The following SYNE1 variants were observed in gnomAD, a reference collection of about 807,000 sequenced individuals.
SYNE1 encodes spectrin repeat containing nuclear envelope protein 1.
A neutral mutation model predicts 1,111.0 loss-of-function variants in SYNE1; 616 were observed. That is an observed-to-expected ratio of 0.55 (90% CI 0.52 to 0.59). SYNE1 has a LOEUF of 0.59. Among genes scored for constraint, SYNE1 ranks in the 20% least tolerant of loss-of-function variants. The pLI, the probability that SYNE1 is intolerant of heterozygous loss-of-function variation, is 0.00. For synonymous variants in SYNE1, 3,855 were observed against 3,825.8 expected, an observed-to-expected ratio of 1.01 and a Z score of -0.28; for missense variants, 10,006 against 10,417.0, an observed-to-expected ratio of 0.96 and a Z score of 1.72.
At chr6:152,235,145 C>A (rs1028295303) in intron 110 of SYNE1, among the ~76,000 whole-genome samples, 1 of 152,168 alleles carries the variant, frequency 6.6e-6, no homozygotes, top group African/African-American at 2.4e-5. Flanking sequence ...CAACCCTCCA[C>A]CCCGCTGAAT....
At chr6:152,619,406 T>C (rs1312884173) in intron 3 of SYNE1, among the ~76,000 whole-genome samples, 1 of 152,130 alleles carries the variant, frequency 6.6e-6, no homozygotes, top group Non-Finnish European at 1.5e-5. Flanking sequence ...CCAATTCAAT[T>C]GCCTTACTTT....
chr6:152,499,912 T>C (rs1300368872), intron 10 of SYNE1, among the ~76,000 whole-genome samples: 1 of 152,210 alleles, frequency 6.6e-6, no homozygotes, highest in East Asian at 1.9e-4. Context: ...TAATAAAGCT[T>C]CTTTAGTAAA....
intron 92 of SYNE1, among the ~76,000 whole-genome samples, chr6:152,301,637 TTAAG>T (rs748179400): frequency 1.9e-4 from 29 of 152,320 alleles, no homozygotes; most frequent in Non-Finnish European, 2.6e-4. Flanking sequence ...CTCTGACATG[TTAAG>T]TAATTCAGCT....
intron 59 of SYNE1, among the ~76,000 whole-genome samples, chr6:152,369,982 CAAAAAAAAAA>C (rs778013525): frequency 4.0e-5 from 2 of 49,986 alleles, no homozygotes; most frequent in Admixed American, 3.6e-4. Flanking sequence ...GACTCTGTCT[CAAAAAAAAAA>C]AAAAAAAAAA....
chr6:152,277,961 C>T, intron 98 of SYNE1, 128 bp downstream of exon 98: 1 of 977,304 alleles, frequency 1.0e-6, no homozygotes, highest in Admixed American at 1.7e-5. Context: ...GCTAAAATGT[C>T]AGCGTAAAGC....
At chr6:152,288,897 C>G (rs577034806) in intron 95 of SYNE1, among the ~76,000 whole-genome samples, 2 of 152,280 alleles carry the variant, frequency 1.3e-5, no homozygotes, top group South Asian at 2.1e-4. Flanking sequence ...TGAGTTTACT[C>G]TTAAAGATGA....
At chr6:152,437,342 T>C (rs1387828381) in intron 32 of SYNE1, among the ~76,000 whole-genome samples, 2 of 152,190 alleles carry the variant, frequency 1.3e-5, no homozygotes, top group East Asian at 3.9e-4. Flanking sequence ...TTGTTTGACT[T>C]TGGTGAATTA....
At chr6:152,494,339 A>G (rs2098987868) in intron 11 of SYNE1, among the ~76,000 whole-genome samples, 1 of 152,032 alleles carries the variant, frequency 6.6e-6, no homozygotes, top group African/African-American at 2.4e-5. Flanking sequence ...GGCCTCCCAC[A>G]TTATTCCTGC....
At chr6:152,421,531 A>G (rs1305026342) in intron 39 of SYNE1, among the ~76,000 whole-genome samples, 3 of 152,056 alleles carry the variant, frequency 2.0e-5, no homozygotes, top group African/African-American at 7.2e-5. Context: ...AAACTACAGT[A>G]TGTATGTTAC....
chr6:152,620,420 A>G (rs1029994358), intron 3 of SYNE1, among the ~76,000 whole-genome samples: 1 of 152,112 alleles, frequency 6.6e-6, no homozygotes, highest in African/African-American at 2.4e-5. Flanking sequence ...TGTCTCCTCC[A>G]TTGATCTCTA....
intron 75 of SYNE1, among the ~76,000 whole-genome samples, chr6:152,337,682 T>A (rs1397784158): frequency 2.6e-5 from 4 of 152,258 alleles, no homozygotes; most frequent in Non-Finnish European, 5.9e-5. Context: ...GTATGACTCA[T>A]GAATTTGGTG....
intron 56 of SYNE1, among the ~76,000 whole-genome samples, chr6:152,378,683 G>C (rs1316736666): frequency 6.6e-6 from 1 of 152,052 alleles, no homozygotes; most frequent in Non-Finnish European, 1.5e-5. Context: ...TCACCTGTCA[G>C]GTCACATTTT....
At chr6:152,135,373 T>C (rs1170071436) in intron 141 of SYNE1, 141 bp from the exon 142 acceptor site, 1 of 915,292 alleles carries the variant, frequency 1.1e-6, no homozygotes, top group African/African-American at 1.6e-5. Context: ...AAGGCACTGG[T>C]GCTGTTGTAA....
At chr6:152,136,546 C>T in intron 141 of SYNE1, 72 bp downstream of exon 141, 1 of 1,579,008 alleles carries the variant, frequency 6.3e-7, no homozygotes, top group Non-Finnish European at 8.6e-7. Flanking sequence ...AACCATGATA[C>T]ATCAAGTCAC....
rs137985190 is a variant in SYNE1 at position 152,347,114 on chromosome 6, G to A, written c.12023C>T (p.Ala4008Val). 6.2e-7 allele frequency: 1 copy of A among 1,614,186 alleles called. No homozygotes were observed. Reference protein sequence around the residue: ...LQAKLKQNVHAHLQGTKDSYS... With the variant: ...LQAKLKQNVHVHLQGTKDSYS... ...GCTGTCCTTTGTGCCCTGCAGATGA[G>A]CATGCACGTTTTGTTTAAGTTTCGC... The change falls in exon 73 of 146, where the codon GCT becomes GTT. Residue 4008 changes from alanine to valine, a missense_variant. This residue lies in a region of SYNE1 where 4,955 missense variants were observed against 5,017.2 expected (regional missense o/e 0.99). Coordinates refer to ENST00000367255, the MANE Select transcript of SYNE1 (RefSeq NM_182961.4).
chr6:152,502,651 A>G lies in SYNE1; in HGVS notation c.870T>C (p.Thr290=), dbSNP rs752412206. The change falls in exon 10 of 146, where the codon ACT becomes ACC. Residue 290 remains threonine (T), a synonymous_variant. Coordinates refer to ENST00000367255, the MANE Select transcript of SYNE1 (RefSeq NM_182961.4). Reference sequence around the variant, plus strand: ...TACCTACATCATCCTCTTGCCCATCAGTGCTTGCATTGTGGATGTCAGGAT... The same window carrying G: ...TACCTACATCATCCTCTTGCCCATCGGTGCTTGCATTGTGGATGTCAGGAT... ...KHYPDIHNAS[T]DGQEDDEILP... The G allele has an allele frequency of 3.7e-6, 6 of 1,613,438 alleles. No homozygotes were observed. The Admixed American group carries it at 8.3e-5, about 22-fold the overall frequency.
intron 131 of SYNE1, among the ~76,000 whole-genome samples, chr6:152,161,831 T>C (rs551673526): frequency 1.3e-5 from 2 of 152,122 alleles, no homozygotes; most frequent in African/African-American, 2.4e-5. Flanking sequence ...ACTTTTTGCT[T>C]GTCTGATCAG....
Position 152,350,547 on chromosome 6 carries a change from CAGAG to C in SYNE1, c.11733+67_11733+70del, listed in dbSNP as rs2096723132. 3 of 1,600,252 alleles carry C rather than the reference CAGAG, an allele frequency of 1.9e-6. No homozygotes were observed. In the African/African-American group the frequency reaches 4.0e-5, roughly 21 times the overall value. On this transcript the variant is annotated intron_variant, in intron 71 of 145. Transcript: ENST00000367255. Reference sequence around the variant, plus strand: ...CGTACCAGGCCTTAAAATTACATGACAGAGAGAAAGGAGTCAGGGCCCACATTTT... The same window carrying C: ...CGTACCAGGCCTTAAAATTACATGACAGAAAGGAGTCAGGGCCCACATTTT...
intron 40 of SYNE1, among the ~76,000 whole-genome samples, chr6:152,417,372 C>T (rs1247954993): frequency 2.0e-5 from 3 of 152,138 alleles, no homozygotes; most frequent in South Asian, 4.2e-4. Context: ...GTGGTGGGCG[C>T]CTGTAGTCCC....
Sources: gnomAD v4.1 joint callset for allele counts (sites outside exome capture counted in the v4.1 genomes callset) on GRCh38, gnomAD v4.1.1 for gene constraint, gnomAD v4.1.1 regional missense constraint, MANE v1.5 for transcripts, NCBI Gene and HGNC (gene_info 2026-07-23, HGNC 2026-07-21) for gene names.